The following SAFB variants were observed in gnomAD, a reference collection of about 807,000 sequenced individuals.
SAFB encodes the protein scaffold attachment factor B, also known as scaffold attachment factor B1.
In SAFB, 15 loss-of-function variants were observed where a neutral mutation model predicts 101.6. That is an observed-to-expected ratio of 0.15 (90% CI 0.10 to 0.23). SAFB has a LOEUF of 0.23. Among genes scored for constraint, SAFB ranks in the 10% least tolerant of loss-of-function variants. SAFB has a pLI of 1.00. For missense variants in SAFB, 930 were observed against 1,104.1 expected (o/e 0.84, Z 2.23); for synonymous variants, 449 against 407.5 (o/e 1.10, Z -1.23).
intron 2 of SAFB, among the ~76,000 whole-genome samples, chr19:5,637,254 G>A (rs895872735): frequency 6.7e-6 from 1 of 149,998 alleles, no homozygotes; most frequent in African/African-American, 2.5e-5. Context: ...TGAGGCAGGA[G>A]AATGGCGTGA....
At chr19:5,643,942 C>T (rs2053773543) in intron 4 of SAFB, among the ~76,000 whole-genome samples, 1 of 152,080 alleles carries the variant, frequency 6.6e-6, no homozygotes, top group Non-Finnish European at 1.5e-5. Context: ...TTAACCTCTG[C>T]TCCTCACTTG....
At chr19:5,661,947 C>G (rs2054218737) in intron 15 of SAFB, 139 bp downstream of exon 15, 1 of 676,152 alleles carries the variant, frequency 1.5e-6, no homozygotes, top group East Asian at 2.8e-5. Context: ...TGCAGTGACC[C>G]GATCTTGGCT....
intron 15 of SAFB, 80 bp downstream of exon 15, chr19:5,661,888 T>C (rs2054215994): frequency 1.2e-6 from 1 of 846,234 alleles, no homozygotes; most frequent in African/African-American, 1.8e-5. Flanking sequence ...GCTTGAGATT[T>C]TTTTTTTTTT....
Position 5,668,432 on chromosome 19 carries a change from G to T in SAFB, c.*141G>T. 6.3e-6 allele frequency: 6 copies of T among 951,552 alleles called. No homozygotes were observed. The highest frequency in any genetic ancestry group is 5.4e-5 in the South Asian group (3 of 55,916). The allele number at this position is 951,552 out of a possible 1,614,324, so 58.9% of individuals were successfully genotyped here. On this transcript the variant is annotated 3_prime_UTR_variant, in exon 21 of 21. Transcript: ENST00000588852. The stretch of plus-strand genomic sequence containing the variant: ...AATGTGAATTTGTTTTTCGTTTTGG[G>T]GTTTTTTTTTTTTGTAATAAATGTG...
chr19:5,666,909 T>C, intron 17 of SAFB, 137 bp from the exon 18 acceptor site: 1 of 757,262 alleles, frequency 1.3e-6, no homozygotes, highest in Non-Finnish European at 2.4e-6. Context: ...AGCTGTGTTG[T>C]GTGAACCGAT....
chr19:5,655,262 A>G (rs573260938), intron 13 of SAFB, among the ~76,000 whole-genome samples: 24 of 152,050 alleles, frequency 1.6e-4, no homozygotes, highest in Middle Eastern at 3.4e-3. Context: ...GATGGATACC[A>G]CCTTGGGCAA....
intron 15 of SAFB, 70 bp from the exon 16 acceptor site, chr19:5,663,952 G>C (rs2054272155): frequency 2.0e-6 from 3 of 1,525,880 alleles, no homozygotes; most frequent in Admixed American, 3.7e-5. Flanking sequence ...CTAGGGGCCA[G>C]CTCCCACAAA....
chr19:5,627,887 CTG>C (rs975764433), intron 2 of SAFB, among the ~76,000 whole-genome samples: 23 of 152,164 alleles, frequency 1.5e-4, no homozygotes, highest in Non-Finnish European at 8.8e-5. Flanking sequence ...AGGACTAGGG[CTG>C]TGTCTTGTTT....
At position 5,667,200 on chromosome 19, in the gene SAFB, C is replaced by A. The variant is rs759757386; in HGVS notation, c.2453+36C>A. The A allele has an allele frequency of 1.6e-5, 21 of 1,320,678 alleles. No homozygotes were observed. The highest frequency in any genetic ancestry group is 2.2e-5 in the Non-Finnish European group (21 of 951,618). The allele number at this position is 1,320,678 out of a possible 1,614,324, so 81.8% of individuals were successfully genotyped here. A position where few individuals can be genotyped will look rare whatever the true frequency, so the allele number is the denominator to read the frequency against. ...CACACCCGACAGTACCTGACCCCCC[C>A]CCCGCCCACAAGGGGGCCCGCAAGT... On this transcript the variant is annotated intron_variant, in intron 18 of 20. Coordinates refer to ENST00000588852, the MANE Select transcript of SAFB (RefSeq NM_001201338.2). This position sits in a 1 kb window ranked among gnomAD's most constrained non-coding sequence, Gnocchi z 4.0.
Position 5,667,729 on chromosome 19 carries a change from C to A in SAFB, c.2558-91C>A. On this transcript the variant is annotated intron_variant, in intron 19 of 20. Coordinates refer to ENST00000588852, the MANE Select transcript of SAFB (RefSeq NM_001201338.2). The surrounding 1 kb of genome is among the most constrained non-coding windows in gnomAD (Gnocchi z 4.0). ...CCCGCTAGTTGTGGGTACCTGGGGG[C>A]CTCACCAAAGGGAGTGGAGTGGGCT... The A allele has an allele frequency of 7.9e-7, 1 of 1,267,964 alleles. No individual in the cohort carries two copies. Among genetic ancestry groups the A allele is most frequent in the Non-Finnish European group, 1.1e-6 (1 of 878,498 alleles). The allele number at this position is 1,267,964 out of a possible 1,614,324, so 78.5% of individuals were successfully genotyped here.
At chr19:5,626,354 C>A in intron 1 of SAFB, 51 bp from the exon 2 acceptor site, 1 of 1,016,808 alleles carries the variant, frequency 9.8e-7, no homozygotes, top group Non-Finnish European at 1.6e-6. Flanking sequence ...TCTCTGAAAG[C>A]AGTGTGTGAG....
rs1298492320 is a variant in SAFB at position 5,623,210 on chromosome 19, C to T, written c.5C>T (p.Ala2Val). The T allele has an allele frequency of 6.3e-7, 1 of 1,588,500 alleles. No individual in the cohort carries two copies. Among genetic ancestry groups the T allele is most frequent in the Non-Finnish European group, 8.6e-7 (1 of 1,168,028 alleles). Residue 2 changes from alanine to valine, a missense_variant, in exon 1 of 21, where the codon GCG becomes GTG. Transcript: ENST00000588852. M[A>V]ETLSGLGDSG... ...GGCGGAGCCAGGGTCCCTGGAATGG[C>T]GGAGACTCTGTCAGGCCTAGGTGAT...
At chr19:5,638,137 C>A (rs1261038986) in intron 2 of SAFB, among the ~76,000 whole-genome samples, 2 of 152,078 alleles carry the variant, frequency 1.3e-5, no homozygotes, top group East Asian at 3.9e-4. Flanking sequence ...CATGCCTGCC[C>A]TTGTGAACTG....
chr19:5,626,288 G>A (rs1223818829), intron 1 of SAFB, 117 bp from the exon 2 acceptor site: 2 of 667,960 alleles, frequency 3.0e-6, no homozygotes, highest in Non-Finnish European at 5.4e-6. Context: ...CCTGGGTGGT[G>A]AGGGCGGCAG....
At chr19:5,629,151 A>G (rs1005782495) in intron 2 of SAFB, among the ~76,000 whole-genome samples, 2 of 152,232 alleles carry the variant, frequency 1.3e-5, no homozygotes, top group African/African-American at 2.4e-5. Context: ...CAGTCGGGAC[A>G]GCCCACTACT....
At chr19:5,633,778 CAAAAAAAAA>C (rs555460053) in intron 2 of SAFB, among the ~76,000 whole-genome samples, 1 of 120,786 alleles carries the variant, frequency 8.3e-6, no homozygotes, top group Admixed American at 8.4e-5. Context: ...GACTCCGTCT[CAAAAAAAAA>C]AAAAGAAAAA....
intron 11 of SAFB, 89 bp downstream of exon 11, chr19:5,653,509 C>G: frequency 5.3e-6 from 6 of 1,138,378 alleles, no homozygotes; most frequent in Middle Eastern, 2.0e-4. Context: ...CTCTGTCGCC[C>G]AGACTGGAGT....
At position 5,667,607 on chromosome 19, in the gene SAFB, G is replaced by T; in HGVS notation, c.2557+157G>T. On this transcript the variant is annotated intron_variant, in intron 19 of 20. Transcript: ENST00000588852. The surrounding 1 kb of genome is among the most constrained non-coding windows in gnomAD (Gnocchi z 4.0). ...TCCAGACACCGCCTGCTCTCTGGTGGTCTGGCCCAGGAGTTGGACAGTGGG... is the reference window on the plus strand; with the variant it reads ...TCCAGACACCGCCTGCTCTCTGGTGTTCTGGCCCAGGAGTTGGACAGTGGG... 1 of 702,994 alleles carries T rather than the reference G, an allele frequency of 1.4e-6. No homozygotes were observed. Among genetic ancestry groups the T allele is most frequent in the South Asian group, 1.8e-5 (1 of 54,348 alleles). 43.5% of individuals were successfully genotyped at this position (702,994 alleles called of 1,614,324 possible).
At chr19:5,662,785 C>G (rs925456626) in intron 15 of SAFB, among the ~76,000 whole-genome samples, 4 of 151,188 alleles carry the variant, frequency 2.6e-5, no homozygotes, top group Admixed American at 6.6e-5. Flanking sequence ...AGATTACAGG[C>G]ACCCACCACC....
Sources: gnomAD v4.1 joint callset for allele counts (sites outside exome capture counted in the v4.1 genomes callset) on GRCh38, gnomAD v4.1.1 for gene constraint, Gnocchi (gnomAD v3.1) non-coding constraint, MANE v1.5 for transcripts, NCBI Gene and HGNC (gene_info 2026-07-23, HGNC 2026-07-21) for gene names.